PTPN9: variants seen among roughly 807,000 people sequenced by gnomAD.
The protein encoded by PTPN9 is protein tyrosine phosphatase non-receptor type 9.
Under a neutral mutation model 69.8 loss-of-function variants are expected in PTPN9, and 26 were observed. The ratio of observed to expected loss-of-function variants is 0.37; its 90% confidence interval spans 0.27 to 0.52. PTPN9 has a LOEUF of 0.52. Among genes scored for constraint, PTPN9 ranks in the 20% least tolerant of loss-of-function variants. The pLI is 0.91. For missense variants in PTPN9, 549 were observed against 740.3 expected (o/e 0.74, Z 3.00); for synonymous variants, 274 against 272.5 (o/e 1.01, Z -0.05).
intron 7 of PTPN9, among the ~76,000 whole-genome samples, chr15:75,503,605 C>T (rs2074789744): frequency 1.4e-5 from 2 of 143,154 alleles, no homozygotes; most frequent in Non-Finnish European, 3.1e-5. Context: ...GGGGGGTCAG[C>T]CCCCCGCCCG....
intron 1 of PTPN9, among the ~76,000 whole-genome samples, chr15:75,540,247 G>A (rs1184694900): frequency 1.3e-5 from 2 of 152,128 alleles, no homozygotes; most frequent in Non-Finnish European, 2.9e-5. Context: ...AAGTTTGAGT[G>A]CACTGTAAAT....
intron 10 of PTPN9, among the ~76,000 whole-genome samples, chr15:75,472,430 C>T (rs1014191399): frequency 1.3e-5 from 2 of 151,248 alleles, no homozygotes; most frequent in African/African-American, 4.9e-5. Flanking sequence ...CCACTGCACT[C>T]CAGCCTGGGC....
chr15:75,501,949 G>A (rs887388144), intron 7 of PTPN9, among the ~76,000 whole-genome samples: 1 of 152,154 alleles, frequency 6.6e-6, no homozygotes, highest in Non-Finnish European at 1.5e-5. Flanking sequence ...CTTGAGCCTC[G>A]GAGTTTGAGA....
intron 1 of PTPN9, among the ~76,000 whole-genome samples, chr15:75,565,557 C>A (rs561490160): frequency 6.6e-5 from 10 of 152,210 alleles, no homozygotes; most frequent in Admixed American, 5.9e-4. Context: ...ACAGTCATGA[C>A]AACTAAAGAA....
intron 1 of PTPN9, among the ~76,000 whole-genome samples, chr15:75,565,658 G>T (rs1014070235): frequency 2.9e-4 from 44 of 152,126 alleles, no homozygotes; most frequent in African/African-American, 1.0e-3. Flanking sequence ...CTTCATAAAG[G>T]CTGTTTAAAT....
intron 8 of PTPN9, among the ~76,000 whole-genome samples, chr15:75,486,117 C>G (rs866215517): frequency 2.4e-5 from 3 of 125,554 alleles, no homozygotes; most frequent in Non-Finnish European, 5.0e-5. Context: ...AAAAAAAAAA[C>G]AAAACTGAAA....
rs1043269504 is a variant in PTPN9 at position 75,505,146 on chromosome 15, C to T, written c.968+529G>A. ...TCTTCTGCCTTGGGATCCTGTTGAT[C>T]GGTGACCTTACCCCCAACCCTGTGC... On this transcript the variant is annotated intron_variant, in intron 7 of 12. Transcript: ENST00000618819. 6.6e-5 allele frequency among the ~76,000 whole-genome samples: 10 copies of T among 151,698 alleles called. No individual in the cohort carries two copies. The East Asian group carries it at 1.5e-3, about 23-fold the overall frequency.
At chr15:75,504,783 C>A (rs9744413) in intron 7 of PTPN9, among the ~76,000 whole-genome samples, 2 of 131,094 alleles carry the variant, frequency 1.5e-5, no homozygotes, top group Admixed American at 7.1e-5. Flanking sequence ...CCAGCCGCCC[C>A]GTCCGGGAGG....
At chr15:75,500,912 A>G (rs1325848834) in intron 7 of PTPN9, among the ~76,000 whole-genome samples, 4 of 151,920 alleles carry the variant, frequency 2.6e-5, no homozygotes, top group Admixed American at 2.6e-4. Context: ...TAATAAAATA[A>G]TAAATACAAT....
chr15:75,507,291 CAAG>C (rs1215733613), intron 6 of PTPN9, among the ~76,000 whole-genome samples: 2 of 150,942 alleles, frequency 1.3e-5, no homozygotes, highest in East Asian at 4.0e-4. Flanking sequence ...TAAAAAAATA[CAAG>C]AATTAGCTGG....
intron 1 of PTPN9, among the ~76,000 whole-genome samples, chr15:75,548,244 T>A (rs1195622635): frequency 6.6e-6 from 1 of 151,852 alleles, no homozygotes; most frequent in Non-Finnish European, 1.5e-5. Flanking sequence ...TAAAATATCA[T>A]AATATAAACT....
chr15:75,505,915 A>C lies in PTPN9; in HGVS notation c.728T>G (p.Leu243Arg). The C allele has an allele frequency of 6.2e-7, 1 of 1,614,084 alleles. No individual in the cohort carries two copies. Residue 243 changes from leucine (L) to arginine (R), a missense_variant, in exon 7 of 13, where the codon CTC becomes CGC. By Grantham distance (102) the Leu-to-Arg change is moderately radical (BLOSUM62 -2). Transcript: ENST00000618819. ...TAGGAACTGGAAATTCCAAGTGGCGAGATCAATTTTGACGTACCCACCCAG... is the reference window on the plus strand; with the variant it reads ...TAGGAACTGGAAATTCCAAGTGGCGCGATCAATTTTGACGTACCCACCCAG... ...ENLGGYVKIDLATWNFQFLPQ... is the reference protein window; with the variant it reads ...ENLGGYVKIDRATWNFQFLPQ...
rs1402526433 is a variant in PTPN9, at chr15:75,468,810, C to T, written c.1741G>A (p.Val581Ile). The T allele has an allele frequency of 1.9e-6, 3 of 1,614,088 alleles. No individual in the cohort carries two copies. The highest frequency in any genetic ancestry group is 2.5e-6 in the Non-Finnish European group (3 of 1,179,990). ...ILEFAEKEGM[V>I]SSGQNLLAVE... ...GCCAGCAGGTTTTGGCCAGAGGATA[C>T]CATGCCCTCCTTCTCTGCGAACTCC... Residue 581 changes from valine (V) to isoleucine (I), a missense_variant, in exon 13 of 13, where the codon GTA (valine) becomes ATA (isoleucine). Val to Ile is a conservative substitution (Grantham distance 29). Around this residue, in one of 3 missense-constraint regions of PTPN9, gnomAD observed 30 missense variants for 24.8 expected, o/e 1.21. Transcript: ENST00000618819.
At chr15:75,507,748 C>A (rs190782918) in intron 6 of PTPN9, among the ~76,000 whole-genome samples, 1 of 150,986 alleles carries the variant, frequency 6.6e-6, no homozygotes, top group African/African-American at 2.4e-5. Flanking sequence ...GCCTGGGAGA[C>A]AGAGCGAGAC....
chr15:75,490,696 C>T (rs2074704445), intron 7 of PTPN9, among the ~76,000 whole-genome samples: 1 of 152,044 alleles, frequency 6.6e-6, no homozygotes. Flanking sequence ...GTGATCTCGA[C>T]TCACTGCAAG....
At chr15:75,552,895 A>C (rs1408834667) in intron 1 of PTPN9, among the ~76,000 whole-genome samples, 1 of 151,304 alleles carries the variant, frequency 6.6e-6, no homozygotes, top group Non-Finnish European at 1.5e-5. Flanking sequence ...AATATATGGT[A>C]AAAATAGAAC....
chr15:75,535,000 ATTT>A (rs1334433596), intron 1 of PTPN9, among the ~76,000 whole-genome samples: 2 of 143,814 alleles, frequency 1.4e-5, no homozygotes, highest in South Asian at 2.2e-4. Context: ...ACTGAAAACG[ATTT>A]TTTTTTTTTT....
At chr15:75,541,093 A>T (rs1253491358) in intron 1 of PTPN9, among the ~76,000 whole-genome samples, 1 of 151,858 alleles carries the variant, frequency 6.6e-6, no homozygotes, top group African/African-American at 2.4e-5. Flanking sequence ...TAAAAAAATA[A>T]AAAATAAAAA....
At chr15:75,502,744 G>T (rs966659004) in intron 7 of PTPN9, among the ~76,000 whole-genome samples, 1 of 152,028 alleles carries the variant, frequency 6.6e-6, no homozygotes, top group Non-Finnish European at 1.5e-5. Context: ...TAAATGTTAT[G>T]GGGAGAAACT....
Sources: gnomAD v4.1 joint callset for allele counts (sites outside exome capture counted in the v4.1 genomes callset) on GRCh38, gnomAD v4.1.1 for gene constraint, gnomAD v4.1.1 regional missense constraint, MANE v1.5 for transcripts, NCBI Gene and HGNC (gene_info 2026-07-23, HGNC 2026-07-21) for gene names.